FAM217A: variants seen among roughly 807,000 people sequenced by gnomAD.
The protein encoded by FAM217A is protein FAM217A.
A neutral mutation model predicts 18.5 loss-of-function variants in FAM217A; 13 were observed. The ratio of observed to expected loss-of-function variants is 0.70; its 90% confidence interval spans 0.46 to 1.12. FAM217A has a LOEUF of 1.12. Among genes scored for constraint, FAM217A ranks in the 50% most tolerant of loss-of-function variants. The pLI is 0.00. For missense variants in FAM217A, 560 were observed against 575.4 expected, an observed-to-expected ratio of 0.97 and a Z score of 0.27; for synonymous variants, 161 against 202.8, an observed-to-expected ratio of 0.79 and a Z score of 1.75.
chr6:4,086,438 C>T (rs1770662484), intron 1 of FAM217A, among the ~76,000 whole-genome samples: 1 of 108,320 alleles, frequency 9.2e-6, no homozygotes, highest in African/African-American at 4.1e-5. Flanking sequence ...AAGAGCAAAA[C>T]TCTGTCTCAA....
rs1769268094 is a variant in FAM217A, at chr6:4,069,645, C to T, written c.578G>A (p.Ser193Asn). 1 of 1,614,046 alleles carries T rather than the reference C, an allele frequency of 6.2e-7. No homozygotes were observed. The highest frequency in any genetic ancestry group is 1.3e-5 in the African/African-American group (1 of 74,920). Residue 193 changes from serine to asparagine, a missense_variant, in exon 7 of 7, where the codon AGC becomes AAC. Transcript: ENST00000274673. The stretch of plus-strand genomic sequence containing the variant: ...ATCTGTGAAATTTTCTTCCACACTG[C>T]TGTTTCCATGTTTCAAATTCCAATT... ...APNWNLKHGN[S>N]SVEENFTDES...
rs932686133 is a variant in FAM217A at position 4,078,944 on chromosome 6, G to A, written c.-127C>T. ...CCGCGTGCGTGGCTGACGGCTTGGA[G>A]GGCGCCCCCTCTGCCGCGGCCTTCC... On this transcript the variant is annotated 5_prime_UTR_variant, in exon 1 of 7. Transcript: ENST00000274673. 1.3e-5 allele frequency: 7 copies of A among 559,798 alleles called. No individual in the cohort carries two copies. Among genetic ancestry groups the A allele is most frequent in the South Asian group, 2.1e-5 (1 of 47,494 alleles). 34.7% of individuals were successfully genotyped at this position (559,798 alleles called of 1,614,324 possible). A position where few individuals can be genotyped will look rare whatever the true frequency, so the allele number is the denominator to read the frequency against.
intron 2 of FAM217A, among the ~76,000 whole-genome samples, chr6:4,075,771 A>G (rs1769749119): frequency 6.6e-6 from 1 of 152,230 alleles, no homozygotes; most frequent in South Asian, 2.1e-4. Context: ...ACTAAGGAGG[A>G]ACAGAGAGAA....
At chr6:4,081,285 T>G (rs1770277848), upstream of FAM217A, among the ~76,000 whole-genome samples, 1 of 151,928 alleles carries the variant, frequency 6.6e-6, no homozygotes, top group Non-Finnish European at 1.5e-5. Context: ...ATTCCTATTT[T>G]ATTTCTTATT....
At chr6:4,087,142 G>A (rs557620584), upstream of FAM217A, 53 of 425,036 alleles carry the variant, frequency 1.2e-4, no homozygotes, top group Non-Finnish European at 2.0e-4. Flanking sequence ...GGTACATACT[G>A]GGAGCAAGGC....
In FAM217A at chr6:4,069,308, C is replaced by T. The variant is rs201683751; in HGVS notation, c.915G>A (p.Arg305=). 1.4e-4 allele frequency: 234 copies of T among 1,614,088 alleles called. 1 individual carries two copies. In the East Asian group the frequency reaches 4.6e-3, roughly 32 times the overall value. Residue 305 remains arginine, a synonymous_variant, in exon 7 of 7, where the codon AGG becomes AGA. Transcript: ENST00000274673. ...TACAGAAAGTCGTTTGTAGTCTTGG[C>T]CTCTCTTTTTGAATAGTCATATGTT... ...RLQHMTIQKE[R]PRLQTTFCTP...
chr6:4,082,605 A>T (rs1770373680), upstream of FAM217A, among the ~76,000 whole-genome samples: 2 of 152,220 alleles, frequency 1.3e-5, no homozygotes, highest in Non-Finnish European at 1.5e-5. Flanking sequence ...CCATACCCAG[A>T]AGGAAGGAAT....
In FAM217A at chr6:4,071,829, G is replaced by C. The variant is rs1561921941; in HGVS notation, c.302+1446C>G. On this transcript the variant is annotated intron_variant, in intron 6 of 6. Coordinates refer to ENST00000274673, the MANE Select transcript of FAM217A (RefSeq NM_173563.3). ...AGGCCTCACAGAAGTAAAATTCTCT[G>C]ACTAGGAGATGGCTGATAACAAGTG... 1.3e-5 allele frequency among the ~76,000 whole-genome samples: 2 copies of C among 152,016 alleles called. 1 individual carries two copies. Among genetic ancestry groups the C allele is most frequent in the African/African-American group, 4.8e-5 (2 of 41,362 alleles).
At position 4,073,499 on chromosome 6, in the gene FAM217A, C is replaced by T. The variant is rs763234935; in HGVS notation, c.168G>A (p.Leu56=). 6.2e-7 allele frequency: 1 copy of T among 1,612,894 alleles called. No homozygotes were observed. The highest frequency in any genetic ancestry group is 8.5e-7 in the Non-Finnish European group (1 of 1,179,538). ...AAGGKINKNY[L]EIPVEQLMLE... ...GCATCAGTTGCTCCACTGGAATTTCCAAATAGTTCTATAAGGCAGCAGAAG... is the reference window on the plus strand; with the variant it reads ...GCATCAGTTGCTCCACTGGAATTTCTAAATAGTTCTATAAGGCAGCAGAAG... The change falls in exon 5 of 7, where the codon TTG becomes TTA. Residue 56 remains leucine, a synonymous_variant. Coordinates refer to ENST00000274673, the MANE Select transcript of FAM217A (RefSeq NM_173563.3).
At chr6:4,070,015 T>A in intron 6 of FAM217A, 95 bp from the exon 7 acceptor site, 1 of 915,614 alleles carries the variant, frequency 1.1e-6, no homozygotes, top group Non-Finnish European at 1.6e-6. Flanking sequence ...AAAGATTGGT[T>A]AATGTTTAGT....
intron 1 of FAM217A, 120 bp from the exon 2 acceptor site, chr6:4,077,568 G>A: frequency 2.4e-6 from 2 of 834,130 alleles, no homozygotes; most frequent in South Asian, 1.5e-5. Context: ...GCAGAAGAGA[G>A]GGGCTAGGAG....
chr6:4,073,910 G>A (rs552971424), intron 4 of FAM217A, among the ~76,000 whole-genome samples: 38 of 152,246 alleles, frequency 2.5e-4, no homozygotes, highest in Middle Eastern at 3.4e-3. Flanking sequence ...ACGGGGGCAC[G>A]AACTCGGCTC....
rs1769186386 is a variant in FAM217A at position 4,068,717 on chromosome 6, G to A, written c.1506C>T (p.Cys502=). 6.2e-7 allele frequency: 1 copy of A among 1,605,744 alleles called. No homozygotes were observed. The highest frequency in any genetic ancestry group is 1.3e-5 in the African/African-American group (1 of 74,330). ...AGAGTTATTTTTGTTCAATGGGTGA[G>A]CAGCACTTATCCTTAGCAATAAGGG... ...SPSLIAKDKC[C]SPIEQK Residue 502 remains cysteine, a synonymous_variant, in exon 7 of 7, where the codon TGC becomes TGT. Coordinates refer to ENST00000274673, the MANE Select transcript of FAM217A (RefSeq NM_173563.3).
intron 1 of FAM217A, 21 bp downstream of exon 1, chr6:4,078,831 G>A (rs1162178530): frequency 2.0e-5 from 9 of 451,778 alleles, no homozygotes; most frequent in African/African-American, 4.1e-5. Flanking sequence ...GGATTCCCCG[G>A]GGCCGGGGCT....
chr6:4,068,899 T>C lies in FAM217A; in HGVS notation c.1324A>G (p.Met442Val), dbSNP rs10485172. 182,807 of 1,614,028 alleles carry C rather than the reference T, an allele frequency of 0.11. 11,169 individuals are homozygous for C. The highest frequency in any genetic ancestry group is 0.14 in the African/African-American group (10,854 of 75,012). ...STRCLPWRSP[M>V]PVSPIPLTFP... ...GTCAGAGGTATAGGTGAAACTGGCATTGGAGACCTCCATGGCAGACATCTT... is the reference window on the plus strand; with the variant it reads ...GTCAGAGGTATAGGTGAAACTGGCACTGGAGACCTCCATGGCAGACATCTT... The change falls in exon 7 of 7, where the codon ATG (methionine) becomes GTG (valine). Residue 442 changes from methionine (M) to valine (V), a missense_variant. Transcript: ENST00000274673.
chr6:4,069,639 A>C lies in FAM217A; in HGVS notation c.584T>G (p.Val195Gly). 1 of 1,614,166 alleles carries C rather than the reference A, an allele frequency of 6.2e-7. No homozygotes were observed. The change falls in exon 7 of 7, where the codon GTG becomes GGG. Residue 195 changes from valine (V) to glycine (G), a missense_variant. Coordinates refer to ENST00000274673, the MANE Select transcript of FAM217A (RefSeq NM_173563.3). Reference protein sequence around the residue: ...NWNLKHGNSSVEENFTDESDL... With the variant: ...NWNLKHGNSSGEENFTDESDL... Reference sequence around the variant, plus strand: ...ACTTTCATCTGTGAAATTTTCTTCCACACTGCTGTTTCCATGTTTCAAATT... The same window carrying C: ...ACTTTCATCTGTGAAATTTTCTTCCCCACTGCTGTTTCCATGTTTCAAATT...
rs1770541095 is a variant in FAM217A at position 4,084,885 on chromosome 6, CAG to C, written c.19-77_19-76del. The C allele has an allele frequency of 5.7e-5, 38 of 669,816 alleles. 1 individual carries two copies. The South Asian group carries it at 6.0e-4, about 11-fold the overall frequency. The allele number at this position is 669,816 out of a possible 1,614,324, so 41.5% of individuals were successfully genotyped here. On this transcript the variant is annotated intron_variant, in intron 1 of 8. Coordinates refer to the FAM217A transcript ENST00000639338. ...GATCAGCCTAACTAGAAAAACAACC[CAG>C]AGTCATGCAGCTGCTGCGCTGCGGG...
At chr6:4,071,053 A>G (rs987225653) in intron 6 of FAM217A, among the ~76,000 whole-genome samples, 35 of 152,184 alleles carry the variant, frequency 2.3e-4, no homozygotes, top group Admixed American at 5.9e-4. Context: ...AATACTAGGC[A>G]TACTGCTTTG....
upstream of FAM217A, chr6:4,079,306 G>T (rs1770096919): frequency 6.4e-6 from 1 of 156,962 alleles, no homozygotes; most frequent in African/African-American, 2.4e-5. Flanking sequence ...GGGCCGCCAG[G>T]GGAGGACAAC....
Sources: allele counts gnomAD v4.1 joint callset (sites outside exome capture counted in the v4.1 genomes callset), GRCh38; gene constraint gnomAD v4.1.1; transcripts MANE v1.5; gene names NCBI Gene and HGNC (gene_info 2026-07-23, HGNC 2026-07-21).